Variants in TSC22D2 observed in about 807,000 individuals in gnomAD.
The protein encoded by TSC22D2 is TSC22 domain family member 2, also known as TSC22 domain family protein 2.
Under a neutral mutation model 50.1 loss-of-function variants are expected in TSC22D2, and 5 were observed. That is an observed-to-expected ratio of 0.10 (90% CI 0.05 to 0.21). The LOEUF is 0.21. Ranked by LOEUF, TSC22D2 falls within the 10% of genes least tolerant of loss-of-function variation. The probability of loss-of-function intolerance (pLI) is 1.00; values close to 1 mark genes in which losing one functional copy is unlikely to be tolerated. For missense variants in TSC22D2, 1,003 were observed against 1,015.5 expected (o/e 0.99, Z 0.17); for synonymous variants, 501 against 450.1 (o/e 1.11, Z -1.43).
intron 1 of TSC22D2, among the ~76,000 whole-genome samples, chr3:150,446,495 A>G (rs1720894729): frequency 6.6e-6 from 1 of 152,226 alleles, no homozygotes; most frequent in Non-Finnish European, 1.5e-5. Context: ...CAAACAAGTC[A>G]AAACATTTTT....
Position 150,410,711 on chromosome 3 carries a change from C to T in TSC22D2, c.1361C>T (p.Pro454Leu), listed in dbSNP as rs548774319. 1.3e-6 allele frequency: 2 copies of T among 1,582,010 alleles called. No individual in the cohort carries two copies. Among genetic ancestry groups the T allele is most frequent in the Admixed American group, 3.6e-5 (2 of 56,280 alleles). The stretch of plus-strand genomic sequence containing the variant: ...GGCGGGCAGGTCGCGCCTTGTCAGC[C>T]GACTGGAGTGCCCCCGGCTACTGTG... ...AQGGQVAPCQPTGVPPATVGG... is the reference protein window; with the variant it reads ...AQGGQVAPCQLTGVPPATVGG... Residue 454 changes from proline to leucine, a missense_variant, in exon 1 of 3, where the codon CCG becomes CTG. Transcript: ENST00000688009.
rs1263171557 is a variant in TSC22D2 at position 150,460,233 on chromosome 3, AAAAC to A, written c.*1600_*1603del. 2.0e-5 allele frequency: 3 copies of A among 152,198 alleles called. No homozygotes were observed. Among genetic ancestry groups the A allele is most frequent in the Non-Finnish European group, 4.4e-5 (3 of 68,006 alleles). The allele number at this position is 152,198 out of a possible 1,614,324, so 9.4% of individuals were successfully genotyped here. On this transcript the variant is annotated 3_prime_UTR_variant, in exon 3 of 3. Coordinates refer to ENST00000688009, the MANE Select transcript of TSC22D2 (RefSeq NM_001303264.2). ...CTGATAGTTCTTAAATTTTCAAAGT[AAAAC>A]AATTTAAAGAATGCAAAAATAGTGA...
chr3:150,444,160 G>GA (rs530944359), intron 1 of TSC22D2, among the ~76,000 whole-genome samples: 3 of 152,102 alleles, frequency 2.0e-5, no homozygotes, highest in African/African-American at 7.2e-5. Context: ...TTATTGGGGA[G>GA]AAAAAAATTC....
chr3:150,449,611 G>A (rs1385561445), intron 1 of TSC22D2, among the ~76,000 whole-genome samples: 1 of 152,054 alleles, frequency 6.6e-6, no homozygotes, highest in Non-Finnish European at 1.5e-5. Context: ...TTAATTGAAT[G>A]GATGGCTACA....
At chr3:150,449,199 T>G (rs1419061721) in intron 1 of TSC22D2, among the ~76,000 whole-genome samples, 1 of 152,060 alleles carries the variant, frequency 6.6e-6, no homozygotes. Context: ...GAAAATAGAG[T>G]TGGCACCTCT....
chr3:150,464,256 G>T lies in TSC22D2; in HGVS notation c.*5620G>T, dbSNP rs559749973. On this transcript the variant is annotated 3_prime_UTR_variant, in exon 3 of 3. Coordinates refer to ENST00000688009, the MANE Select transcript of TSC22D2 (RefSeq NM_001303264.2). ...TTCACAGGCATGCAATGTATCTATA[G>T]ATAGGTCATATCATACCTGAGGAAG... 6.6e-6 allele frequency: 1 copy of T among 151,958 alleles called. No individual in the cohort carries two copies. The highest frequency in any genetic ancestry group is 1.5e-5 in the Non-Finnish European group (1 of 68,022). The allele number at this position is 151,958 out of a possible 1,614,324, so 9.4% of individuals were successfully genotyped here. A position where few individuals can be genotyped will look rare whatever the true frequency, so the allele number is the denominator to read the frequency against.
At chr3:150,432,187 G>T (rs1486738443) in intron 1 of TSC22D2, among the ~76,000 whole-genome samples, 1 of 152,082 alleles carries the variant, frequency 6.6e-6, no homozygotes, top group Non-Finnish European at 1.5e-5. Context: ...TTCAGAATTG[G>T]CAAAGAGAAA....
chr3:150,423,655 G>T lies in TSC22D2; in HGVS notation c.1958+12347G>T, dbSNP rs145559534. Reference sequence around the variant, plus strand: ...GATTTGTAAGCCCCTAAAACAGTTTGCTTTCTTACAGAAATGTTGTATAGA... The same window carrying T: ...GATTTGTAAGCCCCTAAAACAGTTTTCTTTCTTACAGAAATGTTGTATAGA... On this transcript the variant is annotated intron_variant, in intron 1 of 2. Coordinates refer to ENST00000688009, the MANE Select transcript of TSC22D2 (RefSeq NM_001303264.2). Among the ~76,000 whole-genome samples, 11 of 152,178 alleles carry T rather than the reference G, an allele frequency of 7.2e-5. No homozygotes were observed. The East Asian group carries it at 1.9e-3, about 27-fold the overall frequency.
intron 1 of TSC22D2, among the ~76,000 whole-genome samples, chr3:150,450,367 A>C (rs1721004001): frequency 6.6e-6 from 1 of 152,068 alleles, no homozygotes; most frequent in African/African-American, 2.4e-5. Context: ...TGTAAGTAGA[A>C]ATTTTACCTG....
chr3:150,454,195 G>C (rs745376335), intron 1 of TSC22D2, among the ~76,000 whole-genome samples: 2 of 152,174 alleles, frequency 1.3e-5, no homozygotes, highest in Non-Finnish European at 2.9e-5. Context: ...TGGCACTGGA[G>C]CATCTTAAGG....
chr3:150,416,426 ATG>A (rs1719805656), intron 1 of TSC22D2, among the ~76,000 whole-genome samples: 2 of 152,174 alleles, frequency 1.3e-5, no homozygotes, highest in Non-Finnish European at 2.9e-5. Flanking sequence ...TTTAAGGAGT[ATG>A]TGTAGCAAAA....
At position 150,411,938 on chromosome 3, in the gene TSC22D2, T is replaced by G. The variant is rs558158575; in HGVS notation, c.1958+630T>G. ...TTTTTTTGTTGTTAAGCAAAAAATG[T>G]ACTGGAAAGATATTCTTACTTTCCA... On this transcript the variant is annotated intron_variant, in intron 1 of 2. Coordinates refer to ENST00000688009, the MANE Select transcript of TSC22D2 (RefSeq NM_001303264.2). Among the ~76,000 whole-genome samples, 108 of 152,338 alleles carry G rather than the reference T, an allele frequency of 7.1e-4. No homozygotes were observed. The South Asian group carries it at 0.022, about 31-fold the overall frequency.
intron 2 of TSC22D2, among the ~76,000 whole-genome samples, chr3:150,457,780 C>T (rs539099516): frequency 6.6e-5 from 10 of 152,176 alleles, no homozygotes; most frequent in African/African-American, 2.2e-4. Flanking sequence ...GGAGCACAGG[C>T]ACACACCACC....
intron 1 of TSC22D2, among the ~76,000 whole-genome samples, chr3:150,454,967 CAAAA>C (rs145632830): frequency 6.7e-6 from 1 of 150,092 alleles, no homozygotes; most frequent in Non-Finnish European, 1.5e-5. Context: ...TTTTAATTAT[CAAAA>C]AAAAACCCCA....
intron 1 of TSC22D2, among the ~76,000 whole-genome samples, chr3:150,454,762 A>C (rs567395301): frequency 6.6e-5 from 10 of 152,326 alleles, no homozygotes; most frequent in African/African-American, 2.4e-4. Context: ...TTAGAGTACA[A>C]CACCTAACAG....
intron 1 of TSC22D2, among the ~76,000 whole-genome samples, chr3:150,444,023 T>C (rs1339114241): frequency 6.6e-6 from 1 of 152,116 alleles, no homozygotes; most frequent in African/African-American, 2.4e-5. Context: ...CCTAGCCCTT[T>C]TCTGTTACTC....
chr3:150,448,585 A>C (rs1027093408), intron 1 of TSC22D2, among the ~76,000 whole-genome samples: 4 of 152,206 alleles, frequency 2.6e-5, no homozygotes, highest in African/African-American at 9.6e-5. Flanking sequence ...GATATTAATT[A>C]AACTTTGTTT....
intron 1 of TSC22D2, among the ~76,000 whole-genome samples, chr3:150,414,254 T>C (rs1719710304): frequency 6.6e-6 from 1 of 152,238 alleles, no homozygotes; most frequent in Non-Finnish European, 1.5e-5. Context: ...ACTCTTCAGA[T>C]TGATTTTGTG....
rs751271111 is a variant in TSC22D2 at position 150,461,300 on chromosome 3, A to ATTGT, written c.*2667_*2670dup. The stretch of plus-strand genomic sequence containing the variant: ...CTACTGTCAACCCTTCCCCCAGCTG[A>ATTGT]TTGTTTAGGATCTTAAGTAACTTCC... On this transcript the variant is annotated 3_prime_UTR_variant, in exon 3 of 3. Coordinates refer to ENST00000688009, the MANE Select transcript of TSC22D2 (RefSeq NM_001303264.2). The ATTGT allele has an allele frequency of 2.0e-5, 3 of 151,928 alleles. No homozygotes were observed. The highest frequency in any genetic ancestry group is 4.4e-5 in the Non-Finnish European group (3 of 67,996). 9.4% of individuals were successfully genotyped at this position (151,928 alleles called of 1,614,324 possible).
Sources: gnomAD v4.1 joint callset for allele counts (sites outside exome capture counted in the v4.1 genomes callset) on GRCh38, gnomAD v4.1.1 for gene constraint, MANE v1.5 for transcripts, NCBI Gene and HGNC (gene_info 2026-07-23, HGNC 2026-07-21) for gene names.